The following MGA variants were observed in gnomAD, a reference collection of about 807,000 sequenced individuals.
The protein encoded by MGA is MAX dimerization protein MGA, also known as MAX gene-associated protein.
A neutral mutation model predicts 261.1 loss-of-function variants in MGA; 40 were observed. The ratio of observed to expected loss-of-function variants is 0.15; its 90% CI spans 0.12 to 0.20. MGA has a LOEUF of 0.20. Among genes scored for constraint, MGA ranks in the 10% least tolerant of loss-of-function variants. The probability of loss-of-function intolerance (pLI) is 1.00; values close to 1 mark genes in which losing one functional copy is unlikely to be tolerated. For missense variants in MGA, 3,397 were observed against 3,630.5 expected (o/e 0.94, Z 1.65); for synonymous variants, 1,302 against 1,290.6 (o/e 1.01, Z -0.19).
intron 13 of MGA, among the ~76,000 whole-genome samples, chr15:41,739,184 G>A (rs189370145): frequency 9.3e-4 from 141 of 152,148 alleles, no homozygotes; most frequent in African/African-American, 3.1e-3. Flanking sequence ...TGGTACCCAT[G>A]ATGGGCAGTC....
At chr15:41,668,396 T>C (rs1306796893) in intron 1 of MGA, among the ~76,000 whole-genome samples, 2 of 152,196 alleles carry the variant, frequency 1.3e-5, no homozygotes, top group Non-Finnish European at 2.9e-5. Flanking sequence ...AATGGAACTT[T>C]ACTTATTTAA....
intron 1 of MGA, chr15:41,621,359 A>C (rs2056274748): frequency 6.6e-6 from 1 of 152,196 alleles, no homozygotes; most frequent in South Asian, 2.1e-4. Flanking sequence ...TATGGGTTTA[A>C]ATCCATAACG....
At chr15:41,665,504 T>C (rs2057679235) in intron 1 of MGA, among the ~76,000 whole-genome samples, 1 of 151,722 alleles carries the variant, frequency 6.6e-6, no homozygotes. Context: ...AGGGATCCTC[T>C]CACCTCAGCC....
chr15:41,760,735 A>AT (rs68054586), intron 20 of MGA, among the ~76,000 whole-genome samples: 21 of 148,292 alleles, frequency 1.4e-4, no homozygotes, highest in African/African-American at 3.2e-4. Flanking sequence ...TGAAAGTCAG[A>AT]TTTTTTTTTT....
In MGA at chr15:41,740,148, A is replaced by G; in HGVS notation, c.4530A>G (p.Ala1510=). The G allele has an allele frequency of 6.2e-7, 1 of 1,614,050 alleles. No homozygotes were observed. Among genetic ancestry groups the G allele is most frequent in the Non-Finnish European group, 8.5e-7 (1 of 1,179,902 alleles). The change falls in exon 14 of 24, where the codon GCA becomes GCG. Residue 1510 remains alanine, a synonymous_variant. Coordinates refer to ENST00000219905, the MANE Select transcript of MGA (RefSeq NM_001164273.2). The stretch of plus-strand genomic sequence containing the variant: ...AAATGGCATCCTCCTCTGGCACTGC[A>G]ACAAATCGCCCTGGGAAGAATCTGA...
chr15:41,721,857 A>T (rs956417786), intron 9 of MGA, among the ~76,000 whole-genome samples: 1 of 152,194 alleles, frequency 6.6e-6, no homozygotes, highest in East Asian at 1.9e-4. Flanking sequence ...CTCCAGAGTA[A>T]CAAGCAGAAC....
At chr15:41,762,411 A>G (rs1055804401) in intron 22 of MGA, 49 bp downstream of exon 22, 1 of 1,232,546 alleles carries the variant, frequency 8.1e-7, no homozygotes. Context: ...ACATCAGTTG[A>G]CTTTAGTGGA....
At position 41,743,152 on chromosome 15, in the gene MGA, C is replaced by A; in HGVS notation, c.5192C>A (p.Pro1731Gln). ...ATACTCTCAGGAATTAATGGGAGTC[C>A]ACCAGTGAGCCAGAGACCAGGTAAG... Residue 1731 changes from proline to glutamine, a missense_variant, in exon 15 of 24, where the codon CCA becomes CAA. Physicochemically the swap from Pro to Gln is moderately conservative, Grantham distance 76. Coordinates refer to ENST00000219905, the MANE Select transcript of MGA (RefSeq NM_001164273.2). 1 of 1,610,254 alleles carries A rather than the reference C, an allele frequency of 6.2e-7. No individual in the cohort carries two copies. The highest frequency in any genetic ancestry group is 8.5e-7 in the Non-Finnish European group (1 of 1,177,806).
chr15:41,684,320 G>A, intron 2 of MGA: 1 of 434,820 alleles, frequency 2.3e-6, no homozygotes, highest in South Asian at 1.6e-5. Context: ...GTTATTTGTT[G>A]CATTGATTAC....
At position 41,669,064 on chromosome 15, in the gene MGA, C is replaced by A; in HGVS notation, c.170C>A (p.Pro57Gln). The A allele has an allele frequency of 6.2e-7, 1 of 1,611,390 alleles. No homozygotes were observed. The highest frequency in any genetic ancestry group is 1.1e-5 in the South Asian group (1 of 91,066). Residue 57 changes from proline to glutamine, a missense_variant, in exon 2 of 24, where the codon CCA (proline) becomes CAA (glutamine). Pro to Gln is a moderately conservative substitution (Grantham distance 76). Coordinates refer to ENST00000219905, the MANE Select transcript of MGA (RefSeq NM_001164273.2). ...GCTTTGGCTAGTAGTGTGTCATCAC[C>A]AGTAAAATCTAAAGGGAAGATTTGC...
At chr15:41,641,423 A>G (rs2056816320) in intron 1 of MGA, among the ~76,000 whole-genome samples, 1 of 151,502 alleles carries the variant, frequency 6.6e-6, no homozygotes. Context: ...TCTCCAGAGT[A>G]CCTATACTAT....
chr15:41,717,311 T>C (rs1229982359), intron 9 of MGA, among the ~76,000 whole-genome samples: 1 of 152,114 alleles, frequency 6.6e-6, no homozygotes, highest in African/African-American at 2.4e-5. Context: ...AGAATAAAAC[T>C]TGTCATTTCT....
At chr15:41,699,527 T>A (rs2059726148) in intron 5 of MGA, among the ~76,000 whole-genome samples, 1 of 152,150 alleles carries the variant, frequency 6.6e-6, no homozygotes, top group East Asian at 1.9e-4. Flanking sequence ...GAGACGGAGT[T>A]TCGCTCTGTC....
intron 1 of MGA, among the ~76,000 whole-genome samples, chr15:41,627,198 C>T (rs2056476726): frequency 6.6e-6 from 1 of 152,164 alleles, no homozygotes; most frequent in South Asian, 2.1e-4. Flanking sequence ...CCACCACACC[C>T]AGCCTATTAT....
At chr15:41,691,726 T>A (rs1163125305) in intron 2 of MGA, 1 of 396,034 alleles carries the variant, frequency 2.5e-6, no homozygotes, top group Admixed American at 2.4e-5. Flanking sequence ...ACTTCATGAT[T>A]GGCGGTAAAG....
At chr15:41,737,115 T>TA (rs1347067588) in intron 13 of MGA, among the ~76,000 whole-genome samples, 1 of 152,150 alleles carries the variant, frequency 6.6e-6, no homozygotes, top group Non-Finnish European at 1.5e-5. Flanking sequence ...GAAATTGACT[T>TA]AAAGATAGGC....
chr15:41,708,228 T>A lies in MGA; in HGVS notation c.2425+20T>A. The A allele has an allele frequency of 6.7e-7, 1 of 1,483,826 alleles. No individual in the cohort carries two copies. The highest frequency in any genetic ancestry group is 9.1e-7 in the Non-Finnish European group (1 of 1,093,686). 91.9% of individuals were successfully genotyped at this position (1,483,826 alleles called of 1,614,324 possible). On this transcript the variant is annotated intron_variant, in intron 7 of 23. Transcript: ENST00000219905. ...ATGAAGGTAATTAGTTTTTTAAAATTTTTTAAATGTTCTGAAACATGTAGC... is the reference window on the plus strand; with the variant it reads ...ATGAAGGTAATTAGTTTTTTAAAATATTTTAAATGTTCTGAAACATGTAGC...
At chr15:41,691,886 T>C (rs2059309819) in intron 2 of MGA, among the ~76,000 whole-genome samples, 1 of 152,168 alleles carries the variant, frequency 6.6e-6, no homozygotes, top group South Asian at 2.1e-4. Flanking sequence ...CTGACCTTGA[T>C]GTGCCTAGAT....
intron 2 of MGA, among the ~76,000 whole-genome samples, chr15:41,689,392 CTT>C (rs1026549379): frequency 2.5e-4 from 38 of 149,522 alleles, no homozygotes; most frequent in African/African-American, 5.9e-4. Context: ...CTCTCCTTTT[CTT>C]TCTCTCTCCC....
Sources: allele counts gnomAD v4.1 joint callset (sites outside exome capture counted in the v4.1 genomes callset), GRCh38; gene constraint gnomAD v4.1.1; transcripts MANE v1.5; gene names NCBI Gene and HGNC (gene_info 2026-07-23, HGNC 2026-07-21).